The following ASNS variants were observed in gnomAD, a reference collection of about 807,000 sequenced individuals.
ASNS encodes asparagine synthetase (glutamine-hydrolyzing).
ASNS carries 37 observed loss-of-function variants against 62.6 expected under a neutral mutation model. The observed-to-expected ratio is 0.59, with a 90% CI of 0.45 to 0.78. The LOEUF (loss-of-function observed/expected upper bound fraction) is 0.78, where lower values mean the gene tolerates loss of function less well. Among genes scored for constraint, ASNS ranks in the 30% least tolerant of loss-of-function variants. The pLI is 0.00. For synonymous variants in ASNS, 207 were observed against 237.9 expected (o/e 0.87, Z 1.19); for missense variants, 520 against 682.4 (o/e 0.76, Z 2.65).
At chr7:97,917,154 T>A in the ASNS span, among the ~76,000 whole-genome samples, 2 of 134,236 alleles carry the variant, frequency 1.5e-5, no homozygotes, top group African/African-American at 5.7e-5. Flanking sequence ...GAATTTCAGA[T>A]AAACAACAAA....
At chr7:97,911,402 G>A in the ASNS span, among the ~76,000 whole-genome samples, 4 of 151,736 alleles carry the variant, frequency 2.6e-5, no homozygotes, top group South Asian at 2.1e-4. Context: ...ACTTTGGGAG[G>A]CCGAGGTGGA....
chr7:97,903,716 A>G, the ASNS span, among the ~76,000 whole-genome samples: 3 of 152,352 alleles, frequency 2.0e-5, no homozygotes, highest in Admixed American at 2.0e-4. Flanking sequence ...TGAGCTACAC[A>G]TATTGATCAG....
At position 97,859,302 on chromosome 7, in the gene ASNS, T is replaced by C; in HGVS notation, c.584A>G (p.Lys195Arg). 6.2e-7 allele frequency: 1 copy of C among 1,614,174 alleles called. No homozygotes were observed. Among genetic ancestry groups the C allele is most frequent in the Non-Finnish European group, 8.5e-7 (1 of 1,180,026 alleles). ...YEVLDLKPNGKVASVEMVKYH... is the reference protein window; with the variant it reads ...YEVLDLKPNGRVASVEMVKYH... ...TTTAACCATTTCCACGGATGCAACT[T>C]TGCCATTTGGCTTTAAATCCAAAAC... Residue 195 changes from lysine to arginine, a missense_variant, in exon 5 of 13, where the codon AAA becomes AGA. Lys to Arg is a conservative substitution (Grantham distance 26). Coordinates refer to ENST00000394308, the MANE Select transcript of ASNS (RefSeq NM_001673.5).
intron 5 of ASNS, 80 bp downstream of exon 5, chr7:97,859,133 A>T: frequency 6.6e-7 from 1 of 1,517,818 alleles, no homozygotes; most frequent in Non-Finnish European, 8.8e-7. Context: ...AACTAAAATC[A>T]TTCAAATGAT....
At chr7:97,925,847 T>C in the ASNS span, among the ~76,000 whole-genome samples, 1 of 152,050 alleles carries the variant, frequency 6.6e-6, no homozygotes, top group Non-Finnish European at 1.5e-5. Context: ...ATGGTTGAGG[T>C]TGATAACCAA....
the ASNS span, among the ~76,000 whole-genome samples, chr7:97,914,901 T>C: frequency 6.6e-6 from 1 of 152,100 alleles, no homozygotes; most frequent in East Asian, 1.9e-4. Flanking sequence ...GGGGAAAAAT[T>C]CTAAGCAATC....
At chr7:97,902,273 A>G in the ASNS span, among the ~76,000 whole-genome samples, 1 of 152,164 alleles carries the variant, frequency 6.6e-6, no homozygotes, top group African/African-American at 2.4e-5. Flanking sequence ...CTCATTTCAG[A>G]GTAGTTCAAA....
At chr7:97,913,403 G>A in the ASNS span, among the ~76,000 whole-genome samples, 1 of 152,176 alleles carries the variant, frequency 6.6e-6, no homozygotes, top group African/African-American at 2.4e-5. Flanking sequence ...ATGGCTTTCT[G>A]CCCTTCCCCT....
intron 8 of ASNS, among the ~76,000 whole-genome samples, chr7:97,855,770 C>G (rs1791407578): frequency 6.6e-6 from 1 of 152,084 alleles, no homozygotes; most frequent in African/African-American, 2.4e-5. Flanking sequence ...ACTCAAATAC[C>G]TAAAAATCAT....
At chr7:97,885,882 C>T in the ASNS span, 6 of 509,964 alleles carry the variant, frequency 1.2e-5, no homozygotes, top group Admixed American at 1.5e-4. Flanking sequence ...TGGCAGCAGC[C>T]CATATGGGGG....
At chr7:97,858,758 C>T (rs1791576328) in intron 6 of ASNS, 96 bp downstream of exon 6, 3 of 1,125,388 alleles carry the variant, frequency 2.7e-6, no homozygotes, top group East Asian at 2.4e-5. Context: ...GTAAATCATA[C>T]AGTAAATATT....
At chr7:97,904,284 T>TCACACACACACA in the ASNS span, among the ~76,000 whole-genome samples, 560 of 135,020 alleles carry the variant, frequency 4.1e-3, 2 homozygotes, top group Middle Eastern at 0.015. Context: ...ACTACCAGTT[T>TCACACACACACA]CACACACACA....
In ASNS at chr7:97,853,534, T is replaced by C. The variant is rs1025051058; in HGVS notation, c.1239-148A>G. ...CATACAAGCCTCCTAATGACTGCCC[T>C]ACACTAATGAATAGATACAAAAAAT... On this transcript the variant is annotated intron_variant, in intron 10 of 12. Coordinates refer to ENST00000394308, the MANE Select transcript of ASNS (RefSeq NM_001673.5). 1.7e-5 allele frequency: 10 copies of C among 604,186 alleles called. No individual in the cohort carries two copies. In the African/African-American group the frequency reaches 1.9e-4, roughly 11 times the overall value. 37.4% of individuals were successfully genotyped at this position (604,186 alleles called of 1,614,324 possible).
At chr7:97,858,470 A>G in intron 6 of ASNS, 65 bp from the exon 7 acceptor site, 1 of 1,581,714 alleles carries the variant, frequency 6.3e-7, no homozygotes, top group Non-Finnish European at 8.6e-7. Context: ...GGGACAGAAG[A>G]TGTATATTCC....
intron 3 of ASNS, among the ~76,000 whole-genome samples, chr7:97,865,368 C>T (rs10278321): frequency 0.74 from 112,962 of 152,094 alleles, 43,186 homozygotes; most frequent in African/African-American, 0.93. Flanking sequence ...TGAGAAGAAA[C>T]ATCAGAAGCA....
chr7:97,921,711 C>T, the ASNS span, among the ~76,000 whole-genome samples: 1 of 152,146 alleles, frequency 6.6e-6, no homozygotes, highest in African/African-American at 2.4e-5. Flanking sequence ...GGGCTCTCCT[C>T]CAAGGAAATG....
chr7:97,926,547 C>T, the ASNS span, among the ~76,000 whole-genome samples: 1 of 152,136 alleles, frequency 6.6e-6, no homozygotes, highest in Non-Finnish European at 1.5e-5. Flanking sequence ...AGAGAGTATT[C>T]CCATAGAAAC....
intron 8 of ASNS, 57 bp from the exon 9 acceptor site, chr7:97,855,516 C>T: frequency 7.6e-7 from 1 of 1,315,688 alleles, no homozygotes. Context: ...ACCAAAAATG[C>T]CTTTGATTTG....
chr7:97,862,683 G>A (rs940975607), intron 4 of ASNS, among the ~76,000 whole-genome samples: 2 of 152,006 alleles, frequency 1.3e-5, no homozygotes, highest in Non-Finnish European at 2.9e-5. Context: ...AAGATGTTAA[G>A]AGTGGGGAAA....
Sources: allele counts gnomAD v4.1 joint callset (sites outside exome capture counted in the v4.1 genomes callset), GRCh38; gene constraint gnomAD v4.1.1; transcripts MANE v1.5; gene names NCBI Gene and HGNC (gene_info 2026-07-23, HGNC 2026-07-21).